BCL11A: variants seen among roughly 807,000 people sequenced by gnomAD.
BCL11A encodes B cell CLL/lymphoma 11A.
BCL11A carries 2 observed loss-of-function variants against 55.9 expected under a neutral mutation model. The ratio of observed to expected loss-of-function variants is 0.04; its 90% CI spans 0.01 to 0.11. The LOEUF (loss-of-function observed/expected upper bound fraction) is 0.11. Among genes scored for constraint, BCL11A ranks in the 10% least tolerant of loss-of-function variants. The probability of loss-of-function intolerance (pLI) is 1.00; values close to 1 mark genes in which losing one functional copy is unlikely to be tolerated. For synonymous variants in BCL11A, 465 were observed against 473.4 expected (o/e 0.98, Z 0.23); for missense variants, 817 against 1,137.1 (o/e 0.72, Z 4.05).
At chr2:60,489,896 T>C (rs1168230020) in intron 2 of BCL11A, among the ~76,000 whole-genome samples, 1 of 152,116 alleles carries the variant, frequency 6.6e-6, no homozygotes, top group East Asian at 1.9e-4. Flanking sequence ...TTGTCACATA[T>C]CATCAAAATG....
At chr2:60,453,771 G>T (rs1180246765), downstream of BCL11A, among the ~76,000 whole-genome samples, 3 of 152,216 alleles carry the variant, frequency 2.0e-5, no homozygotes, top group Admixed American at 1.3e-4. Flanking sequence ...GGGTTTAGGG[G>T]CTCCCGCTTT....
chr2:60,531,918 A>G (rs1195401943), intron 2 of BCL11A, among the ~76,000 whole-genome samples: 4 of 152,120 alleles, frequency 2.6e-5, no homozygotes, highest in Non-Finnish European at 1.5e-5. Flanking sequence ...CACCTAAATG[A>G]AGAACTCAAG....
intron 2 of BCL11A, among the ~76,000 whole-genome samples, chr2:60,478,686 C>T (rs760893477): frequency 6.6e-6 from 1 of 152,244 alleles, no homozygotes; most frequent in African/African-American, 2.4e-5. Flanking sequence ...GCAGGTCAGG[C>T]TCTAACATTT....
chr2:60,477,150 T>TA (rs1281448812), intron 2 of BCL11A, among the ~76,000 whole-genome samples: 1 of 152,156 alleles, frequency 6.6e-6, no homozygotes, highest in Non-Finnish European at 1.5e-5. Context: ...GGTTAAGTAT[T>TA]AGATACCTGA....
chr2:60,493,297 A>T (rs190247118), intron 2 of BCL11A, among the ~76,000 whole-genome samples: 4 of 150,916 alleles, frequency 2.7e-5, no homozygotes, highest in Admixed American at 2.6e-4. Context: ...AGATGTGTTT[A>T]TAGGAATGTA....
At chr2:60,549,221 A>C (rs527331175) in intron 1 of BCL11A, among the ~76,000 whole-genome samples, 2 of 152,216 alleles carry the variant, frequency 1.3e-5, no homozygotes, top group Non-Finnish European at 2.9e-5. Context: ...ACAGACTGAG[A>C]TCTCTTTCCT....
At position 60,457,557 on chromosome 2, in the gene BCL11A, A is replaced by G. The variant is rs1180856571; in HGVS notation, c.*2847T>C. 2.9e-6 allele frequency: 3 copies of G among 1,046,610 alleles called. No homozygotes were observed. Among genetic ancestry groups the G allele is most frequent in the Admixed American group, 5.5e-5 (1 of 18,078 alleles). The allele number at this position is 1,046,610 out of a possible 1,614,324, so 64.8% of individuals were successfully genotyped here. A position where few individuals can be genotyped will look rare whatever the true frequency, so the allele number is the denominator to read the frequency against. On this transcript the variant is annotated 3_prime_UTR_variant, in exon 4 of 4. Coordinates refer to ENST00000642384, the MANE Select transcript of BCL11A (RefSeq NM_022893.4). Reference sequence around the variant, plus strand: ...TATTCTGCATTGCCATTTACAAAAAAGTATTGACTAAAGCGGGCTTTCTCT... The same window carrying G: ...TATTCTGCATTGCCATTTACAAAAAGGTATTGACTAAAGCGGGCTTTCTCT...
chr2:60,452,888 C>A (rs1285445511), downstream of BCL11A: 1 of 489,310 alleles, frequency 2.0e-6, no homozygotes, highest in Non-Finnish European at 3.7e-6. Context: ...TCCGTCCCCC[C>A]AAGGAGGACC....
chr2:60,549,964 T>G (rs1486080232), intron 1 of BCL11A: 1 of 152,156 alleles, frequency 6.6e-6, no homozygotes, highest in African/African-American at 2.4e-5. Flanking sequence ...CCCGCATCAT[T>G]ATGATGATAA....
Position 60,494,510 on chromosome 2 carries a change from G to GA in BCL11A, c.386-25678dup, listed in dbSNP as rs1209999330. Reference sequence around the variant, plus strand: ...AGTGAGATGAGATATCAAAGGGGACGAAAAGTGTTCATTCCATCTCCCTAA... The same window carrying GA: ...AGTGAGATGAGATATCAAAGGGGACGAAAAAGTGTTCATTCCATCTCCCTAA... On this transcript the variant is annotated intron_variant, in intron 2 of 3. Transcript: ENST00000642384. 2.6e-5 allele frequency among the ~76,000 whole-genome samples: 4 copies of GA among 152,316 alleles called. No homozygotes were observed. In the East Asian group the frequency reaches 7.7e-4, roughly 29 times the overall value.
At chr2:60,452,827 C>T (rs764702531), downstream of BCL11A, 1 of 588,512 alleles carries the variant, frequency 1.7e-6, no homozygotes, top group South Asian at 2.0e-5. Flanking sequence ...CTCAGCCTCC[C>T]CTCCCCAAGT....
intron 2 of BCL11A, among the ~76,000 whole-genome samples, chr2:60,491,942 T>G (rs1678666291): frequency 6.6e-6 from 1 of 152,204 alleles, no homozygotes; most frequent in Admixed American, 6.5e-5. Context: ...GCATTTACGC[T>G]AAATACCTTG....
At chr2:60,473,216 CAT>C (rs916836590) in intron 2 of BCL11A, among the ~76,000 whole-genome samples, 27 of 148,942 alleles carry the variant, frequency 1.8e-4, no homozygotes, top group African/African-American at 6.7e-4. Context: ...ATTTCCTAAA[CAT>C]ATGTTTTTAG....
At chr2:60,538,351 T>C (rs1434048044) in intron 2 of BCL11A, 1 of 152,234 alleles carries the variant, frequency 6.6e-6, no homozygotes, top group East Asian at 1.9e-4. Flanking sequence ...CAGGTAAATC[T>C]TCCAGCAGCA....
At chr2:60,475,732 G>A (rs1420908992) in intron 2 of BCL11A, among the ~76,000 whole-genome samples, 2 of 152,128 alleles carry the variant, frequency 1.3e-5, no homozygotes, top group Admixed American at 1.3e-4. Flanking sequence ...AGTGGGGGCA[G>A]GGGGAGGGGT....
At chr2:60,545,900 T>G (rs45579331) in intron 2 of BCL11A, 71 bp downstream of exon 2, 28,856 of 1,355,146 alleles carry the variant, frequency 0.021, 388 homozygotes, top group Non-Finnish European at 0.025. Flanking sequence ...AACTCCTTAC[T>G]GCTTGGCTAC....
chr2:60,513,834 GACTCTCTCT>G (rs1239475723), intron 2 of BCL11A, among the ~76,000 whole-genome samples: 1 of 152,246 alleles, frequency 6.6e-6, no homozygotes, highest in Non-Finnish European at 1.5e-5. Context: ...CTGAAGGGCA[GACTCTCTCT>G]TCTCAACAAG....
chr2:60,520,745 G>T (rs1050741842), intron 2 of BCL11A, among the ~76,000 whole-genome samples: 2 of 125,300 alleles, frequency 1.6e-5, no homozygotes, highest in Non-Finnish European at 3.2e-5. Context: ...GGTCGCCTAC[G>T]GAATCTACAG....
chr2:60,454,884 G>A (rs1197073849), downstream of BCL11A, among the ~76,000 whole-genome samples: 2 of 152,116 alleles, frequency 1.3e-5, no homozygotes, highest in African/African-American at 4.8e-5. Flanking sequence ...ATACAAAAAT[G>A]GTATTTAAAT....
Sources: gnomAD v4.1 joint callset for allele counts (sites outside exome capture counted in the v4.1 genomes callset) on GRCh38, gnomAD v4.1.1 for gene constraint, MANE v1.5 for transcripts, NCBI Gene and HGNC (gene_info 2026-07-23, HGNC 2026-07-21) for gene names.